The following TSKS variants were observed in gnomAD, a reference collection of about 807,000 sequenced individuals.
TSKS encodes the protein testis-specific serine kinase substrate.
Under a neutral mutation model 68.0 loss-of-function variants are expected in TSKS, and 27 were observed. The ratio of observed to expected loss-of-function variants is 0.40; its 90% CI spans 0.29 to 0.55. The LOEUF (loss-of-function observed/expected upper bound fraction) is 0.55, where lower values mean the gene tolerates loss of function less well. Among genes scored for constraint, TSKS ranks in the 20% least tolerant of loss-of-function variants. The pLI, the probability that TSKS is intolerant of heterozygous loss-of-function variation, is 0.53. For synonymous variants in TSKS, 331 were observed against 340.4 expected (o/e 0.97, Z 0.30); for missense variants, 806 against 776.0 (o/e 1.04, Z -0.46).
chr19:49,748,292 T>A (rs2084319805), intron 3 of TSKS, 82 bp downstream of exon 3: 1 of 1,558,950 alleles, frequency 6.4e-7, no homozygotes, highest in African/African-American at 1.4e-5. Flanking sequence ...GAGCTATGGG[T>A]GCATTCTGCT....
rs8100605 is a variant in TSKS, at chr19:49,751,032, A to G, written c.400-2563T>C. On this transcript the variant is annotated intron_variant, in intron 2 of 10. Transcript: ENST00000246801. ...GGATTAAATAATTCAGGCCGGGCAC[A>G]GTGGCTCACACCTGTAATCCCAGCA... is the stretch of plus-strand genomic sequence containing the variant. Among the ~76,000 whole-genome samples the G allele has an allele frequency of 6.3e-3, 962 of 152,160 alleles. 8 individuals are homozygous for G. Among genetic ancestry groups the G allele is most frequent in the African/African-American group, 0.022 (909 of 41,532 alleles).
chr19:49,755,860 G>A (rs1003240031), intron 2 of TSKS, among the ~76,000 whole-genome samples: 4 of 152,090 alleles, frequency 2.6e-5, no homozygotes, highest in Non-Finnish European at 5.9e-5. Flanking sequence ...AATTAGCCTG[G>A]CGCGGTGGTA....
intron 2 of TSKS, among the ~76,000 whole-genome samples, chr19:49,750,038 A>C (rs1048128889): frequency 2.6e-5 from 4 of 151,154 alleles, no homozygotes; most frequent in African/African-American, 9.7e-5. Context: ...TTTTTCTCTC[A>C]TTTCACTGGA....
Position 49,748,005 on chromosome 19 carries a change from A to T in TSKS, c.579+80T>A. 2.3e-6 allele frequency: 3 copies of T among 1,323,988 alleles called. No homozygotes were observed. The South Asian group carries it at 3.6e-5, about 16-fold the overall frequency. The allele number at this position is 1,323,988 out of a possible 1,614,324, so 82.0% of individuals were successfully genotyped here. A position where few individuals can be genotyped will look rare whatever the true frequency, so the allele number is the denominator to read the frequency against. ...ATTACAGATGTGAGCCACTGCACCCAGCCTCCTCCCCTCTTTCTCCCACCC... is the reference window on the plus strand; with the variant it reads ...ATTACAGATGTGAGCCACTGCACCCTGCCTCCTCCCCTCTTTCTCCCACCC... On this transcript the variant is annotated intron_variant, in intron 4 of 10. Coordinates refer to ENST00000246801, the MANE Select transcript of TSKS (RefSeq NM_021733.2).
At chr19:49,758,073 T>TCTCTGGGTCTCTGTCCCCCA (rs2084407552) in intron 2 of TSKS, among the ~76,000 whole-genome samples, 1 of 150,980 alleles carries the variant, frequency 6.6e-6, no homozygotes, top group African/African-American at 2.4e-5. Flanking sequence ...TGTCCTCCTC[T>TCTCTGGGTCTCTGTCCCCCA]CTCTCTGGGT....
chr19:49,752,582 T>C (rs1284054077), intron 2 of TSKS, among the ~76,000 whole-genome samples: 1 of 152,068 alleles, frequency 6.6e-6, no homozygotes, highest in Non-Finnish European at 1.5e-5. Context: ...TATTCCTTTA[T>C]AGCAATGCAA....
chr19:49,759,564 A>C (rs1488989459), intron 2 of TSKS, among the ~76,000 whole-genome samples: 2 of 145,846 alleles, frequency 1.4e-5, no homozygotes, highest in African/African-American at 5.1e-5. Context: ...GGGCCTGGGG[A>C]GGCCAAGGCT....
chr19:49,746,827 G>C, intron 5 of TSKS, 29 bp from the exon 6 acceptor site: 3 of 1,585,558 alleles, frequency 1.9e-6, no homozygotes, highest in Non-Finnish European at 2.6e-6. Context: ...CGGGGTCACA[G>C]CGTCCAGCCG....
chr19:49,745,850 C>T (rs922511479), intron 6 of TSKS, among the ~76,000 whole-genome samples: 2 of 152,174 alleles, frequency 1.3e-5, no homozygotes, highest in Non-Finnish European at 2.9e-5. Flanking sequence ...TCGGGGCACT[C>T]CCTCCTCTGC....
At chr19:49,743,672 T>A (rs2084271853) in intron 8 of TSKS, among the ~76,000 whole-genome samples, 1 of 150,104 alleles carries the variant, frequency 6.7e-6, no homozygotes, top group Admixed American at 6.7e-5. Flanking sequence ...TAATTTTTTT[T>A]TGTATTTTTA....
rs148651676 is a variant in TSKS at position 49,758,668 on chromosome 19, C to T, written c.399+3336G>A. On this transcript the variant is annotated intron_variant, in intron 2 of 10. Transcript: ENST00000246801. ...CTCCTTCCCTGGACCCTCGCCCAGG[C>T]TCCCCTCTGGCCTCCCTGCCTCAGT... is the stretch of plus-strand genomic sequence containing the variant. 3.5e-3 allele frequency among the ~76,000 whole-genome samples: 540 copies of T among 152,222 alleles called. 6 individuals carry two copies. Among genetic ancestry groups the T allele is most frequent in the African/African-American group, 0.012 (509 of 41,540 alleles).
At chr19:49,751,301 CAAAAA>C (rs55750605) in intron 2 of TSKS, among the ~76,000 whole-genome samples, 1 of 35,114 alleles carries the variant, frequency 2.8e-5, no homozygotes, top group African/African-American at 1.0e-4. Context: ...GATTCCATCT[CAAAAA>C]AAAAAAAAAA....
At chr19:49,745,122 C>T in intron 7 of TSKS, 80 bp downstream of exon 7, 5 of 1,392,928 alleles carry the variant, frequency 3.6e-6, no homozygotes, top group Non-Finnish European at 3.9e-6. Flanking sequence ...TTGGCCTACC[C>T]ATTTCCCTCA....
chr19:49,757,017 G>A lies in TSKS; in HGVS notation c.399+4987C>T, dbSNP rs1047258283. Among the ~76,000 whole-genome samples the A allele has an allele frequency of 7.9e-5, 12 of 152,098 alleles. No individual in the cohort carries two copies. In the South Asian group the frequency reaches 8.3e-4, roughly 10 times the overall value. ...ACAGGCTGCAGTAAGCCGAGATTGC[G>A]CCACTGCACTCCAGCCTAGGTGACA... On this transcript the variant is annotated intron_variant, in intron 2 of 10. Transcript: ENST00000246801.
intron 7 of TSKS, among the ~76,000 whole-genome samples, chr19:49,744,709 G>A (rs888971729): frequency 6.6e-6 from 1 of 151,936 alleles, no homozygotes; most frequent in East Asian, 1.9e-4. Flanking sequence ...TCAGCCTCCC[G>A]AGTGGCTAGG....
chr19:49,761,530 G>T (rs1018236186), intron 2 of TSKS, among the ~76,000 whole-genome samples: 1 of 152,156 alleles, frequency 6.6e-6, no homozygotes, highest in African/African-American at 2.4e-5. Flanking sequence ...CCTTTCTCTG[G>T]GATCTCCTCC....
Position 49,745,375 on chromosome 19 carries a change from G to A in TSKS, c.1014C>T (p.Thr338=), listed in dbSNP as rs1321863172. Residue 338 remains threonine (T), a synonymous_variant, in exon 7 of 11, where the codon ACC becomes ACT. Transcript: ENST00000246801. ...EELRREVSSL[T]ARWHQEEGAV... ...CCCCCTCCTCCTGATGCCACCGGGC[G>A]GTCAGTGAGGACACCTCTCTCCTGG... is the stretch of plus-strand genomic sequence containing the variant. The A allele has an allele frequency of 5.1e-6, 8 of 1,575,406 alleles. No homozygotes were observed. The highest frequency in any genetic ancestry group is 2.3e-5 in the East Asian group (1 of 43,654).
intron 9 of TSKS, among the ~76,000 whole-genome samples, chr19:49,741,602 C>T (rs572585761): frequency 2.0e-5 from 3 of 152,288 alleles, no homozygotes; most frequent in Admixed American, 2.0e-4. Flanking sequence ...AGACTGGTGT[C>T]TGTCTCGTGT....
chr19:49,753,561 CAATAATAAT>C lies in TSKS; in HGVS notation c.400-5101_400-5093del, dbSNP rs59369964. On this transcript the variant is annotated intron_variant, in intron 2 of 10. Coordinates refer to ENST00000246801, the MANE Select transcript of TSKS (RefSeq NM_021733.2). ...TGGGCAACAAAGCAAGACTCCATCT[CAATAATAAT>C]AATAATAATAATAATAATAATAATA... Among the ~76,000 whole-genome samples the C allele has an allele frequency of 5.4e-3, 741 of 136,170 alleles. 7 individuals carry two copies. Among genetic ancestry groups the C allele is most frequent in the African/African-American group, 7.8e-3 (280 of 35,978 alleles). 89.3% of individuals were successfully genotyped at this position (136,170 alleles called of 152,430 possible).
Sources: gnomAD v4.1 joint callset for allele counts (sites outside exome capture counted in the v4.1 genomes callset) on GRCh38, gnomAD v4.1.1 for gene constraint, MANE v1.5 for transcripts, NCBI Gene and HGNC (gene_info 2026-07-23, HGNC 2026-07-21) for gene names.